Variants in NFIC observed in about 807,000 individuals in gnomAD.
NFIC encodes nuclear factor I C.
A neutral mutation model predicts 54.4 loss-of-function variants in NFIC; 12 were observed. That is an observed-to-expected ratio of 0.22 (90% CI 0.14 to 0.36). The LOEUF is 0.36. Ranked by LOEUF, NFIC falls within the 10% of genes least tolerant of loss-of-function variation. NFIC has a pLI of 1.00. For missense variants in NFIC, 575 were observed against 718.2 expected (o/e 0.80, Z 2.28); for synonymous variants, 322 against 319.2 (o/e 1.01, Z -0.09).
intron 1 of NFIC, among the ~76,000 whole-genome samples, chr19:3,379,980 C>T (rs984540980): frequency 6.6e-5 from 10 of 151,754 alleles, no homozygotes; most frequent in African/African-American, 2.4e-4. Context: ...CCATGCTTGG[C>T]CGCCGACCCT....
intron 2 of NFIC, among the ~76,000 whole-genome samples, chr19:3,415,857 C>A (rs2081845169): frequency 6.6e-6 from 1 of 151,768 alleles, no homozygotes; most frequent in African/African-American, 2.4e-5. Context: ...CTTTTTCTGC[C>A]CTATTATTGC....
At chr19:3,435,027 GC>G in intron 5 of NFIC, 55 bp from the exon 6 acceptor site, 1 of 1,494,854 alleles carries the variant, frequency 6.7e-7, no homozygotes, top group Non-Finnish European at 9.0e-7. Flanking sequence ...CCGCCGTCGC[GC>G]CCCCCGCCCC....
intron 2 of NFIC, among the ~76,000 whole-genome samples, chr19:3,385,590 T>TTTTG (rs2081284170): frequency 7.0e-6 from 1 of 142,074 alleles, no homozygotes. Flanking sequence ...TTTTTTTTTT[T>TTTTG]GAGACAGACT....
chr19:3,384,958 A>T (rs2081270158), intron 2 of NFIC, among the ~76,000 whole-genome samples: 1 of 146,374 alleles, frequency 6.8e-6, no homozygotes, highest in Non-Finnish European at 1.5e-5. Flanking sequence ...TGCTGAGCTG[A>T]TACAATTTTG....
chr19:3,415,996 A>G (rs1382153588), intron 2 of NFIC, among the ~76,000 whole-genome samples: 1 of 151,880 alleles, frequency 6.6e-6, no homozygotes, highest in Non-Finnish European at 1.5e-5. Context: ...ATCTCTACAA[A>G]AAAATGTTTG....
At chr19:3,415,295 A>G (rs1342886752) in intron 2 of NFIC, among the ~76,000 whole-genome samples, 5 of 148,994 alleles carry the variant, frequency 3.4e-5, no homozygotes, top group African/African-American at 1.2e-4. Flanking sequence ...TTTTTTTGGT[A>G]CTTTTAGTAG....
rs372257863 is a variant in NFIC at position 3,456,645 on chromosome 19, G to A, written c.1509+10G>A. On this transcript the variant is annotated intron_variant, in intron 10 of 10. Coordinates refer to ENST00000443272, the MANE Select transcript of NFIC (RefSeq NM_001245002.2). ...CATTTATCAGGCACAGGTAGGGGCC[G>A]AGAGGCCGGCTGGTGGGGTGGGAGG... 68 of 1,521,380 alleles carry A rather than the reference G, an allele frequency of 4.5e-5. 1 individual carries two copies. Among genetic ancestry groups the A allele is most frequent in the African/African-American group, 3.0e-4 (22 of 72,476 alleles). The allele number at this position is 1,521,380 out of a possible 1,614,324, so 94.2% of individuals were successfully genotyped here. A position where few individuals can be genotyped will look rare whatever the true frequency, so the allele number is the denominator to read the frequency against.
intron 6 of NFIC, among the ~76,000 whole-genome samples, chr19:3,447,386 AC>A (rs2082389243): frequency 6.6e-6 from 1 of 151,728 alleles, no homozygotes; most frequent in South Asian, 2.1e-4. Context: ...TCCTGGAAAT[AC>A]CCAAAATGGC....
chr19:3,425,918 C>CT (rs869165549), intron 3 of NFIC, among the ~76,000 whole-genome samples: 13 of 54,532 alleles, frequency 2.4e-4, no homozygotes, highest in Non-Finnish European at 3.1e-4. Context: ...CCATGCCTGG[C>CT]TTTTTTTTTT....
rs549992923 is a variant in NFIC, at chr19:3,375,245, A to C, written c.31-6467A>C. The stretch of plus-strand genomic sequence containing the variant: ...TTATCACAGCCCCAGTAAGCGCCAG[A>C]GCTTGGGTGGCAGCCACGGCCCCAG... On this transcript the variant is annotated intron_variant, in intron 1 of 10. Transcript: ENST00000443272. The surrounding 1 kb of genome is among the most constrained non-coding windows in gnomAD (Gnocchi z 4.6). Among the ~76,000 whole-genome samples the C allele has an allele frequency of 6.8e-4, 104 of 152,050 alleles. No individual in the cohort carries two copies. The highest frequency in any genetic ancestry group is 2.4e-3 in the African/African-American group (99 of 41,454).
rs556549620 is a variant in NFIC, at chr19:3,448,259, G to C, written c.959-755G>C. ...ACCTAATTTTTGTATTTTTAGTGGA[G>C]ACAGGGTTTCACCATGTTGGCCAGG... On this transcript the variant is annotated intron_variant, in intron 6 of 10. Transcript: ENST00000443272. 6.6e-5 allele frequency among the ~76,000 whole-genome samples: 10 copies of C among 152,316 alleles called. No homozygotes were observed. The East Asian group carries it at 1.5e-3, about 24-fold the overall frequency.
chr19:3,421,858 C>T (rs2081958459), intron 2 of NFIC, among the ~76,000 whole-genome samples: 1 of 152,136 alleles, frequency 6.6e-6, no homozygotes, highest in Admixed American at 6.6e-5. Context: ...GCTCACTGCA[C>T]CCTTGACCTC....
intron 2 of NFIC, among the ~76,000 whole-genome samples, chr19:3,422,356 G>A (rs971472685): frequency 6.6e-6 from 1 of 151,726 alleles, no homozygotes; most frequent in Non-Finnish European, 1.5e-5. Context: ...TTACAGGCGT[G>A]AGCCACTGTG....
At chr19:3,434,975 C>G in intron 5 of NFIC, 108 bp from the exon 6 acceptor site, 1 of 1,375,360 alleles carries the variant, frequency 7.3e-7, no homozygotes, top group Admixed American at 2.6e-5. Flanking sequence ...GCGATACTAC[C>G]TCCCTCGCCC....
intron 1 of NFIC, among the ~76,000 whole-genome samples, chr19:3,360,160 C>G (rs1351625148): frequency 2.8e-5 from 4 of 145,354 alleles, no homozygotes; most frequent in Non-Finnish European, 6.1e-5. Flanking sequence ...TGCCCCGGCC[C>G]GGGCGAGCGC....
intron 6 of NFIC, among the ~76,000 whole-genome samples, chr19:3,439,111 G>T (rs539029784): frequency 6.6e-6 from 1 of 151,046 alleles, no homozygotes; most frequent in South Asian, 2.1e-4. Context: ...CAGGTTGCTG[G>T]CCGGGTGCAG....
intron 6 of NFIC, among the ~76,000 whole-genome samples, chr19:3,437,013 C>T (rs1359515994): frequency 3.9e-5 from 6 of 152,036 alleles, no homozygotes; most frequent in Admixed American, 3.9e-4. Flanking sequence ...GTGAAGCAAC[C>T]GTCTGGCCCA....
intron 4 of NFIC, 135 bp from the exon 5 acceptor site, chr19:3,434,142 C>T: frequency 7.3e-7 from 1 of 1,362,260 alleles, no homozygotes; most frequent in Non-Finnish European, 9.8e-7. Context: ...TGGTTTCAGC[C>T]ACCCTAGGAA....
chr19:3,418,055 A>C (rs558689768), intron 2 of NFIC, among the ~76,000 whole-genome samples: 2 of 151,012 alleles, frequency 1.3e-5, no homozygotes, highest in Non-Finnish European at 3.0e-5. Flanking sequence ...GGTGCTTGAA[A>C]TGTGATTTGT....
Sources: gnomAD v4.1 joint callset for allele counts (sites outside exome capture counted in the v4.1 genomes callset) on GRCh38, gnomAD v4.1.1 for gene constraint, Gnocchi (gnomAD v3.1) non-coding constraint, MANE v1.5 for transcripts, NCBI Gene and HGNC (gene_info 2026-07-23, HGNC 2026-07-21) for gene names.